GGNBP2: variants seen among roughly 807,000 people sequenced by gnomAD.
GGNBP2 encodes the protein gametogenetin-binding protein 2.
In GGNBP2, 10 loss-of-function variants were observed where a neutral mutation model predicts 85.9. The ratio of observed to expected loss-of-function variants is 0.12; its 90% CI spans 0.07 to 0.20. The LOEUF is 0.20. GGNBP2 is among the 10% of genes least tolerant of loss of function. The probability of loss-of-function intolerance (pLI) is 1.00; values close to 1 mark genes in which losing one functional copy is unlikely to be tolerated. For missense variants in GGNBP2, 595 were observed against 857.8 expected (o/e 0.69, Z 3.83); for synonymous variants, 287 against 285.7 (o/e 1.00, Z -0.05).
At chr17:36,551,103 G>A (rs1407019703) in intron 2 of GGNBP2, among the ~76,000 whole-genome samples, 2 of 152,140 alleles carry the variant, frequency 1.3e-5, no homozygotes, top group African/African-American at 4.8e-5. Flanking sequence ...ATGAAACCAG[G>A]AAAGATAGAA....
At chr17:36,588,321 G>A (rs1381888550) in intron 13 of GGNBP2, among the ~76,000 whole-genome samples, 2 of 152,072 alleles carry the variant, frequency 1.3e-5, no homozygotes, top group Non-Finnish European at 2.9e-5. Flanking sequence ...GCGATGGTGC[G>A]ATCTCGGCTA....
intron 2 of GGNBP2, among the ~76,000 whole-genome samples, chr17:36,548,449 T>C (rs1286384273): frequency 6.6e-6 from 1 of 151,040 alleles, no homozygotes; most frequent in Non-Finnish European, 1.5e-5. Context: ...ACCCCGTCTC[T>C]ACTAAAAATA....
In GGNBP2 at chr17:36,589,228, A is replaced by G. The variant is rs200569278; in HGVS notation, c.1911A>G (p.Ser637=). The G allele has an allele frequency of 1.1e-3, 1,704 of 1,612,166 alleles. 30 individuals carry two copies. In the South Asian group the frequency reaches 0.017, roughly 16 times the overall value. ...TGCAGGATGAGTCTGAATGTACTTCAGATGAGGAAATCTTTATCTCACAAG... is the reference window on the plus strand; with the variant it reads ...TGCAGGATGAGTCTGAATGTACTTCGGATGAGGAAATCTTTATCTCACAAG... ...VELLDESECT[S]DEEIFISQDE... The change falls in exon 14 of 14, where the codon TCA becomes TCG. Residue 637 remains serine (S), a synonymous_variant. Transcript: ENST00000613102.
Position 36,557,267 on chromosome 17 carries a change from G to T in GGNBP2, c.359G>T (p.Gly120Val). The change falls in exon 4 of 14, where the codon GGA becomes GTA. Residue 120 changes from glycine to valine, a missense_variant. Around this residue, in one of 9 missense-constraint regions of GGNBP2, gnomAD observed 216 missense variants for 293.4 expected, o/e 0.74. Coordinates refer to ENST00000613102, the MANE Select transcript of GGNBP2 (RefSeq NM_024835.5). ...GAACCCCTAACAGTAGGGCCCAAGGGAGTCCTGTCTGTAACTAGAAGCTGC... is the reference window on the plus strand; with the variant it reads ...GAACCCCTAACAGTAGGGCCCAAGGTAGTCCTGTCTGTAACTAGAAGCTGC... ...ALEPLTVGPK[G>V]VLSVTRSCMT... 1 of 1,614,036 alleles carries T rather than the reference G, an allele frequency of 6.2e-7. No individual in the cohort carries two copies. Among genetic ancestry groups the T allele is most frequent in the Non-Finnish European group, 8.5e-7 (1 of 1,179,942 alleles).
At chr17:36,568,595 A>G (rs1278272294) in intron 6 of GGNBP2, among the ~76,000 whole-genome samples, 1 of 152,082 alleles carries the variant, frequency 6.6e-6, no homozygotes, top group East Asian at 1.9e-4. Flanking sequence ...TGCCCAGCCT[A>G]TAATGGCATT....
At chr17:36,575,648 ATTTTTT>A (rs71274856) in intron 6 of GGNBP2, among the ~76,000 whole-genome samples, 3 of 54,904 alleles carry the variant, frequency 5.5e-5, no homozygotes, top group African/African-American at 2.2e-4. Context: ...ATATATATAT[ATTTTTT>A]TTTTTTTTTG....
intron 2 of GGNBP2, chr17:36,547,316 G>GAT (rs756912436): frequency 1.9e-4 from 29 of 151,994 alleles, no homozygotes; most frequent in African/African-American, 6.0e-4. Flanking sequence ...ATATAGTTAT[G>GAT]ATATCAGCCT....
rs183677397 is a variant in GGNBP2 at position 36,556,430 on chromosome 17, G to A, written c.175-653G>A. On this transcript the variant is annotated intron_variant, in intron 3 of 13. Coordinates refer to ENST00000613102, the MANE Select transcript of GGNBP2 (RefSeq NM_024835.5). ...AAACAAAACAAAAAAAACAGGCCAG[G>A]CGTGGTGGCTCACGCCTGTAATCCG... 1.8e-3 allele frequency among the ~76,000 whole-genome samples: 270 copies of A among 152,316 alleles called. 1 individual carries two copies. The highest frequency in any genetic ancestry group is 6.3e-3 in the African/African-American group (261 of 41,570).
intron 12 of GGNBP2, 135 bp from the exon 13 acceptor site, chr17:36,586,862 A>G (rs1292411224): frequency 1.2e-6 from 1 of 817,220 alleles, no homozygotes; most frequent in Admixed American, 2.9e-5. Context: ...CAGGTGATCC[A>G]CCTGCCTCGG....
chr17:36,557,201 G>A lies in GGNBP2; in HGVS notation c.293G>A (p.Arg98His), dbSNP rs745771643. ...PCVGCRRSVE[R>H]LFSQLVESGN... Reference sequence around the variant, plus strand: ...GTTGGTTGTCGTCGCAGTGTGGAGCGTCTCTTTTCCCAGCTTGTAGAGTCT... The same window carrying A: ...GTTGGTTGTCGTCGCAGTGTGGAGCATCTCTTTTCCCAGCTTGTAGAGTCT... The change falls in exon 4 of 14, where the codon CGT becomes CAT. Residue 98 changes from arginine to histidine, a missense_variant. Arg to His is a conservative substitution (Grantham distance 29, BLOSUM62 0). This residue lies in a region of GGNBP2 where 216 missense variants were observed against 293.4 expected (regional missense o/e 0.74). Transcript: ENST00000613102. The A allele has an allele frequency of 1.4e-4, 219 of 1,613,914 alleles. 1 individual carries two copies. The East Asian group carries it at 4.7e-3, about 35-fold the overall frequency.
intron 4 of GGNBP2, among the ~76,000 whole-genome samples, chr17:36,558,028 C>T (rs1305529665): frequency 6.6e-6 from 1 of 152,074 alleles, no homozygotes; most frequent in Non-Finnish European, 1.5e-5. Flanking sequence ...AGGAGAATCA[C>T]TTGAACCCAG....
intron 2 of GGNBP2, among the ~76,000 whole-genome samples, chr17:36,553,716 A>G (rs2074333222): frequency 2.0e-5 from 3 of 152,198 alleles, no homozygotes; most frequent in African/African-American, 4.8e-5. Context: ...GTTAAGATAT[A>G]CATGTGTTAC....
At chr17:36,559,493 A>G (rs556726084) in intron 4 of GGNBP2, among the ~76,000 whole-genome samples, 3 of 152,206 alleles carry the variant, frequency 2.0e-5, no homozygotes, top group Admixed American at 1.3e-4. Flanking sequence ...TAAATAGGAA[A>G]AGAAGAAGAG....
At chr17:36,551,330 C>G (rs1381062932) in intron 2 of GGNBP2, among the ~76,000 whole-genome samples, 1 of 151,920 alleles carries the variant, frequency 6.6e-6, no homozygotes, top group African/African-American at 2.4e-5. Flanking sequence ...TCTCAGCCTC[C>G]CAAGTAGCTA....
At chr17:36,585,571 TATC>T in intron 10 of GGNBP2, 121 bp downstream of exon 10, 2 of 719,840 alleles carry the variant, frequency 2.8e-6, no homozygotes, top group South Asian at 2.2e-5. Flanking sequence ...GTTCCAAGAA[TATC>T]ATATAATTTA....
chr17:36,554,671 A>G (rs2074344512), intron 2 of GGNBP2, 149 bp from the exon 3 acceptor site: 2 of 635,504 alleles, frequency 3.1e-6, no homozygotes, highest in African/African-American at 3.7e-5. Flanking sequence ...CCACCGCACC[A>G]GGCCATGTAC....
chr17:36,584,677 G>A lies in GGNBP2; in HGVS notation c.1216-623G>A, dbSNP rs947768130. 2.6e-5 allele frequency among the ~76,000 whole-genome samples: 4 copies of A among 152,212 alleles called. No individual in the cohort carries two copies. In the East Asian group the frequency reaches 7.7e-4, roughly 29 times the overall value. ...AAAAAGATTTCTGTTGACAGGGCGT[G>A]GAGGCTCATGCCTGTAATCCTAGCA... On this transcript the variant is annotated intron_variant, in intron 9 of 13. Transcript: ENST00000613102.
chr17:36,563,492 A>G (rs1025438737), intron 5 of GGNBP2, among the ~76,000 whole-genome samples: 1 of 151,764 alleles, frequency 6.6e-6, no homozygotes, highest in African/African-American at 2.4e-5. Context: ...CTCTAAATAT[A>G]TGGACATTTT....
chr17:36,582,229 A>C (rs1342531532), intron 9 of GGNBP2: 2 of 151,784 alleles, frequency 1.3e-5, no homozygotes, highest in Admixed American at 1.3e-4. Context: ...GCAATGTAAA[A>C]GCTATGTAAG....
Sources: gnomAD v4.1 joint callset for allele counts (sites outside exome capture counted in the v4.1 genomes callset) on GRCh38, gnomAD v4.1.1 for gene constraint, gnomAD v4.1.1 regional missense constraint, MANE v1.5 for transcripts, NCBI Gene and HGNC (gene_info 2026-07-23, HGNC 2026-07-21) for gene names.